The following PDE4D variants were observed in gnomAD, a reference collection of about 807,000 sequenced individuals.
The protein encoded by PDE4D is phosphodiesterase 4D.
A neutral mutation model predicts 87.4 loss-of-function variants in PDE4D; 24 were observed. That is an observed-to-expected ratio of 0.27 (90% CI 0.20 to 0.39). The LOEUF is 0.39. Among genes scored for constraint, PDE4D ranks in the 10% least tolerant of loss-of-function variants. The pLI, the probability that PDE4D is intolerant of heterozygous loss-of-function variation, is 1.00. For missense variants in PDE4D, 714 were observed against 1,041.0 expected (o/e 0.69, Z 4.32); for synonymous variants, 384 against 383.2 (o/e 1.00, Z -0.02).
At chr5:60,041,919 T>C (rs1768546513) in intron 2 of PDE4D, among the ~76,000 whole-genome samples, 2 of 151,494 alleles carry the variant, frequency 1.3e-5, no homozygotes, top group Non-Finnish European at 2.9e-5. Context: ...TTTTTTTTTT[T>C]CATACCACAG....
chr5:60,180,810 G>A (rs1454707458), intron 2 of PDE4D, among the ~76,000 whole-genome samples: 1 of 152,100 alleles, frequency 6.6e-6, no homozygotes, highest in Non-Finnish European at 1.5e-5. Context: ...TTTGTATTTT[G>A]TGCTTTTCAA....
chr5:59,789,240 T>C (rs944960368), intron 1 of PDE4D, among the ~76,000 whole-genome samples: 40 of 152,224 alleles, frequency 2.6e-4, no homozygotes, highest in Non-Finnish European at 4.4e-4. Context: ...AAAAACTTTT[T>C]GTTCAGAATT....
At chr5:59,808,467 A>G (rs1767982852) in intron 1 of PDE4D, among the ~76,000 whole-genome samples, 1 of 152,160 alleles carries the variant, frequency 6.6e-6, no homozygotes, top group Non-Finnish European at 1.5e-5. Flanking sequence ...GAGAAAGAGT[A>G]TTTGTTTGGG....
intron 1 of PDE4D, among the ~76,000 whole-genome samples, chr5:60,290,430 A>T (rs2149770309): frequency 6.6e-6 from 1 of 152,350 alleles, no homozygotes; most frequent in African/African-American, 2.4e-5. Flanking sequence ...ATAGACGAGC[A>T]GAGAATTAAT....
At chr5:59,417,461 G>C (rs1483288657) in intron 1 of PDE4D, among the ~76,000 whole-genome samples, 3 of 151,586 alleles carry the variant, frequency 2.0e-5, no homozygotes, top group Non-Finnish European at 2.9e-5. Context: ...AAATATCCAT[G>C]TCTAGCCAAA....
intron 2 of PDE4D, among the ~76,000 whole-genome samples, chr5:60,073,446 T>A (rs1343169578): frequency 1.3e-5 from 2 of 151,890 alleles, no homozygotes; most frequent in African/African-American, 4.8e-5. Context: ...TGCATGTTCA[T>A]CAAGAATGCT....
chr5:60,456,664 CCAAA>C (rs1337528523), intron 1 of PDE4D, among the ~76,000 whole-genome samples: 2 of 152,158 alleles, frequency 1.3e-5, no homozygotes, highest in South Asian at 2.1e-4. Flanking sequence ...CTCTCAGTGA[CCAAA>C]CAGAGAGTAA....
chr5:59,494,241 A>G (rs888185198), intron 1 of PDE4D, among the ~76,000 whole-genome samples: 11 of 152,188 alleles, frequency 7.2e-5, no homozygotes, highest in African/African-American at 2.7e-4. Flanking sequence ...TGAATTTGCA[A>G]TGTGTCAGAT....
At chr5:59,369,348 T>C (rs978517972) in intron 1 of PDE4D, among the ~76,000 whole-genome samples, 17 of 152,164 alleles carry the variant, frequency 1.1e-4, no homozygotes, top group African/African-American at 1.7e-4. Flanking sequence ...GTTTTCAGAA[T>C]AGTATATCAA....
intron 1 of PDE4D, chr5:59,586,530 C>T (rs968084227): frequency 6.4e-5 from 91 of 1,425,028 alleles, no homozygotes; most frequent in Non-Finnish European, 3.7e-5. Context: ...AATCTCCCCC[C>T]ACCAATAAAA....
At chr5:59,968,192 C>T (rs1760281010) in intron 3 of PDE4D, among the ~76,000 whole-genome samples, 1 of 151,936 alleles carries the variant, frequency 6.6e-6, no homozygotes, top group Admixed American at 6.6e-5. Context: ...CCATGTTGGT[C>T]AGGCTGGTTT....
chr5:59,055,562 T>C (rs1193420789), intron 5 of PDE4D, among the ~76,000 whole-genome samples: 1 of 151,986 alleles, frequency 6.6e-6, no homozygotes. Context: ...TTTTTGCCAC[T>C]TGATCATCTA....
chr5:59,143,406 C>T (rs1778187637), intron 5 of PDE4D, among the ~76,000 whole-genome samples: 1 of 152,148 alleles, frequency 6.6e-6, no homozygotes, highest in African/African-American at 2.4e-5. Context: ...ATAGCATGGG[C>T]AGATATATCA....
intron 1 of PDE4D, among the ~76,000 whole-genome samples, chr5:59,340,625 A>C (rs1158363707): frequency 1.3e-5 from 2 of 152,146 alleles, no homozygotes; most frequent in East Asian, 1.9e-4. Flanking sequence ...GATCTTAATC[A>C]TTCTATCTAA....
chr5:59,456,447 G>A (rs1246150251), intron 1 of PDE4D, among the ~76,000 whole-genome samples: 1 of 152,094 alleles, frequency 6.6e-6, no homozygotes, highest in Non-Finnish European at 1.5e-5. Flanking sequence ...CTAGCCATGT[G>A]GAGCTGAGTC....
At chr5:60,212,082 G>A (rs765497804) in intron 1 of PDE4D, among the ~76,000 whole-genome samples, 1 of 152,120 alleles carries the variant, frequency 6.6e-6, no homozygotes, top group Admixed American at 6.5e-5. Context: ...ATTTTTAAAT[G>A]TACATAGCAG....
chr5:59,064,616 A>G (rs1763611436), intron 5 of PDE4D, among the ~76,000 whole-genome samples: 1 of 152,172 alleles, frequency 6.6e-6, no homozygotes, highest in Non-Finnish European at 1.5e-5. Flanking sequence ...TCTGCACACC[A>G]TGGTGATTTG....
intron 2 of PDE4D, among the ~76,000 whole-genome samples, chr5:60,060,844 C>T (rs1285669174): frequency 2.6e-5 from 4 of 151,882 alleles, no homozygotes; most frequent in South Asian, 4.2e-4. Context: ...ATTGGTATCT[C>T]GATAGATGCA....
chr5:60,218,055 T>A (rs1245650515), intron 1 of PDE4D, among the ~76,000 whole-genome samples: 1 of 151,932 alleles, frequency 6.6e-6, no homozygotes, highest in Non-Finnish European at 1.5e-5. Flanking sequence ...CTATGTCAAC[T>A]AAAAAATGAA....
Sources: gnomAD v4.1 joint callset for allele counts (sites outside exome capture counted in the v4.1 genomes callset) on GRCh38, gnomAD v4.1.1 for gene constraint, MANE v1.5 for transcripts, NCBI Gene and HGNC (gene_info 2026-07-23, HGNC 2026-07-21) for gene names.